FCRL4: variants seen among roughly 807,000 people sequenced by gnomAD.
The protein encoded by FCRL4 is Fc receptor-like protein 4.
In FCRL4, 43 loss-of-function variants were observed where a neutral mutation model predicts 64.1. That is an observed-to-expected ratio of 0.67 (90% CI 0.53 to 0.87). The LOEUF (loss-of-function observed/expected upper bound fraction) is 0.87. Ranked by LOEUF, FCRL4 falls within the 40% of genes least tolerant of loss-of-function variation. The pLI is 0.00. For missense variants in FCRL4, 656 were observed against 613.5 expected (o/e 1.07, Z -0.73); for synonymous variants, 253 against 239.8 (o/e 1.05, Z -0.51).
In FCRL4 at chr1:157,581,648, A is replaced by C; in HGVS notation, c.1136-4T>G. 6.2e-7 allele frequency: 1 copy of C among 1,610,982 alleles called. No individual in the cohort carries two copies. The highest frequency in any genetic ancestry group is 8.5e-7 in the Non-Finnish European group (1 of 1,177,722). On this transcript the variant is annotated splice_polypyrimidine_tract_variant and splice_region_variant and intron_variant, in intron 6 of 11. Coordinates refer to ENST00000271532, the MANE Select transcript of FCRL4 (RefSeq NM_031282.3). ...CCATCTCTGTTGCCTGGGGTCTCTA[A>C]GGGGAAAGGACCTGTGTGAATCTCA...
chr1:157,590,848 C>T lies in FCRL4; in HGVS notation c.53-1390G>A, dbSNP rs10082178. Reference sequence around the variant, plus strand: ...ATCTTTTATCAGGTTAATTTATGGGCCCCAGAAAATTAACCTGTAGGAATC... The same window carrying T: ...ATCTTTTATCAGGTTAATTTATGGGTCCCAGAAAATTAACCTGTAGGAATC... On this transcript the variant is annotated intron_variant, in intron 2 of 11. Transcript: ENST00000271532. Among the ~76,000 whole-genome samples the T allele has an allele frequency of 4.8e-3, 730 of 152,232 alleles. 3 individuals carry two copies. Among genetic ancestry groups the T allele is most frequent in the African/African-American group, 0.016 (653 of 41,542 alleles).
rs937806859 is a variant in FCRL4, at chr1:157,596,476, C to A, written c.32-128G>T. ...AGAAACACGTTCCATTCCATCCATC[C>A]CAGGGAAGCGGGGAAACACAGTGGC... On this transcript the variant is annotated intron_variant, in intron 1 of 11. Transcript: ENST00000271532. 1.0e-5 allele frequency: 11 copies of A among 1,064,546 alleles called. No homozygotes were observed. The African/African-American group carries it at 1.7e-4, about 17-fold the overall frequency. 65.9% of individuals were successfully genotyped at this position (1,064,546 alleles called of 1,614,324 possible).
At chr1:157,575,765 A>G in intron 10 of FCRL4, 35 bp from the exon 11 acceptor site, 1 of 1,606,384 alleles carries the variant, frequency 6.2e-7, no homozygotes, top group Non-Finnish European at 8.5e-7. Flanking sequence ...GACTATGGGC[A>G]TAATGATGCA....
chr1:157,595,443 G>T (rs1159465699), intron 2 of FCRL4, among the ~76,000 whole-genome samples: 3 of 152,232 alleles, frequency 2.0e-5, no homozygotes, highest in Non-Finnish European at 2.9e-5. Context: ...TGAGGAAGCT[G>T]CCCCTGCTAT....
chr1:157,581,587 C>A lies in FCRL4; in HGVS notation c.1193G>T (p.Ser398Ile), dbSNP rs777738829. The part of the protein sequence containing the change: ...VAAGATGGLL[S>I]ALLLAVALLF... ...CAGGGCCACAGCCAGGAGAAGAGCA[C>A]TGAGCAGCCCTCCAGTGGCTCCCGC... is the stretch of plus-strand genomic sequence containing the variant. Residue 398 changes from serine (S) to isoleucine (I), a missense_variant, in exon 7 of 12, where the codon AGT becomes ATT. Transcript: ENST00000271532. 25 of 1,614,028 alleles carry A rather than the reference C, an allele frequency of 1.5e-5. No individual in the cohort carries two copies. Among genetic ancestry groups the A allele is most frequent in the Non-Finnish European group, 2.0e-5 (24 of 1,180,028 alleles).
intron 1 of FCRL4, among the ~76,000 whole-genome samples, chr1:157,597,713 A>G (rs1652997955): frequency 6.6e-6 from 1 of 152,228 alleles, no homozygotes; most frequent in Admixed American, 6.5e-5. Context: ...CATAGCAAAA[A>G]TAGATGAGAA....
Position 157,587,845 on chromosome 1 carries a change from A to G in FCRL4, c.562+20T>C, listed in dbSNP as rs1382607050. Reference sequence around the variant, plus strand: ...ATCCCTGTCATTACTAAGCAAATCTATATGAACTGAAAGATTCACCTTGAA... The same window carrying G: ...ATCCCTGTCATTACTAAGCAAATCTGTATGAACTGAAAGATTCACCTTGAA... On this transcript the variant is annotated intron_variant, in intron 4 of 11. Transcript: ENST00000271532. 14 of 1,592,702 alleles carry G rather than the reference A, an allele frequency of 8.8e-6. No individual in the cohort carries two copies. The highest frequency in any genetic ancestry group is 2.2e-5 in the South Asian group (2 of 89,470).
Position 157,578,824 on chromosome 1 carries a change from A to G in FCRL4, c.1306T>C (p.Ser436Pro). ...RLPPAPGPGESSHSICPAQVE... is the reference protein window; with the variant it reads ...RLPPAPGPGEPSHSICPAQVE... Reference sequence around the variant, plus strand: ...TGGGCAGGGCAGATGGAATGGGAGGACTCTCCTGGGCCTGGAGCGGGAGGG... The same window carrying G: ...TGGGCAGGGCAGATGGAATGGGAGGGCTCTCCTGGGCCTGGAGCGGGAGGG... Residue 436 changes from serine (S) to proline (P), a missense_variant, in exon 9 of 12, where the codon TCC becomes CCC. Transcript: ENST00000271532. 3 of 1,613,484 alleles carry G rather than the reference A, an allele frequency of 1.9e-6. No homozygotes were observed. In the South Asian group the frequency reaches 3.3e-5, roughly 18 times the overall value.
In FCRL4 at chr1:157,596,367, C is replaced by A; in HGVS notation, c.32-19G>T. On this transcript the variant is annotated intron_variant, in intron 1 of 11. Transcript: ENST00000271532. ...ACTGGAGCTGAAAGAGAGTAAAGAG[C>A]CAGCCATCAGCGTAGGCGAAGAGTC... 1.2e-6 allele frequency: 2 copies of A among 1,613,790 alleles called. No individual in the cohort carries two copies. The highest frequency in any genetic ancestry group is 1.7e-6 in the Non-Finnish European group (2 of 1,179,816).
At chr1:157,585,344 C>CTCTCTTTCTTTCTTTCTT (rs1386601138) in intron 6 of FCRL4, among the ~76,000 whole-genome samples, 6 of 81,318 alleles carry the variant, frequency 7.4e-5, no homozygotes, top group East Asian at 4.2e-4. Flanking sequence ...CTTTCTCTCT[C>CTCTCTTTCTTTCTTTCTT]TCTTTCTTTC....
chr1:157,576,056 C>G (rs1420746584), intron 10 of FCRL4, among the ~76,000 whole-genome samples: 6 of 152,162 alleles, frequency 3.9e-5, no homozygotes, highest in South Asian at 2.1e-4. Flanking sequence ...ACTTACAATA[C>G]TGTCATCTCA....
Position 157,586,283 on chromosome 1 carries a change from C to G in FCRL4, c.1020G>C (p.Leu340=). ...TGGCAGGGAGCTCCAGCTCTGCTCTCAGGGAACGCTGAGTTTTCCTCCCCA... is the reference window on the plus strand; with the variant it reads ...TGGCAGGGAGCTCCAGCTCTGCTCTGAGGGAACGCTGAGTTTTCCTCCCCA... ...ESLGRKTQRS[L]RAELELPAIR... The change falls in exon 6 of 12, where the codon CTG becomes CTC. Residue 340 remains leucine, a synonymous_variant. Transcript: ENST00000271532. 1 of 1,614,100 alleles carries G rather than the reference C, an allele frequency of 6.2e-7. No homozygotes were observed.
At chr1:157,581,463 G>T in intron 7 of FCRL4, 68 bp downstream of exon 7, 2 of 1,351,502 alleles carry the variant, frequency 1.5e-6, no homozygotes, top group Non-Finnish European at 2.1e-6. Context: ...TGGCCACTAA[G>T]GCTGTCTGCA....
Position 157,586,374 on chromosome 1 carries a change from C to A in FCRL4, c.929G>T (p.Cys310Phe), listed in dbSNP as rs1174643144. The A allele has an allele frequency of 6.2e-7, 1 of 1,613,460 alleles. No individual in the cohort carries two copies. Among genetic ancestry groups the A allele is most frequent in the Middle Eastern group, 1.6e-4 (1 of 6,062 alleles). The part of the protein sequence containing the change: ...AVEGEMLVLV[C>F]SVAEGTGDTT... ...ATCCCCTGTGCCTTCAGCCACGGAG[C>A]AGACAAGGACCAGCATCTCCCCTTC... Residue 310 changes from cysteine (C) to phenylalanine (F), a missense_variant, in exon 6 of 12, where the codon TGC becomes TTC. Physicochemically the swap from Cys to Phe is radical, Grantham distance 205. Transcript: ENST00000271532.
At chr1:157,586,606 C>T (rs749188528) in intron 5 of FCRL4, 151 bp from the exon 6 acceptor site, 79 of 660,896 alleles carry the variant, frequency 1.2e-4, no homozygotes, top group Admixed American at 2.1e-4. Context: ...ACAGATTTAG[C>T]GCTGAGAATA....
rs1558155022 is a variant in FCRL4 at position 157,585,350 on chromosome 1, CTT to C, written c.1135+816_1135+817del. 6.0e-4 allele frequency among the ~76,000 whole-genome samples: 25 copies of C among 41,516 alleles called. 1 individual carries two copies. Among genetic ancestry groups the C allele is most frequent in the African/African-American group, 2.0e-3 (22 of 10,870 alleles). The allele number at this position is 41,516 out of a possible 152,430, so 27.2% of individuals were successfully genotyped here. ...TCTCTCTTTCTTTCTCTCTCTCTTTCTTTCTTTCTTTCTTTCTTTCTTTCTTT... is the reference window on the plus strand; with the variant it reads ...TCTCTCTTTCTTTCTCTCTCTCTTTCTCTTTCTTTCTTTCTTTCTTTCTTT... On this transcript the variant is annotated intron_variant, in intron 6 of 11. Coordinates refer to ENST00000271532, the MANE Select transcript of FCRL4 (RefSeq NM_031282.3).
Position 157,589,236 on chromosome 1 carries a change from C to A in FCRL4, c.275G>T (p.Arg92Leu). 1 of 1,614,166 alleles carries A rather than the reference C, an allele frequency of 6.2e-7. No individual in the cohort carries two copies. Among genetic ancestry groups the A allele is most frequent in the East Asian group, 2.2e-5 (1 of 44,882 alleles). The change falls in exon 3 of 12, where the codon CGA (arginine) becomes CTA (leucine). Residue 92 changes from arginine (R) to leucine (L), a missense_variant. Transcript: ENST00000271532. ...AAAGAGCAAGCGCACAGGGTTACTT[C>A]GTGGGGAGCCCCGGGCCTGGCATCT... ...LYRCQARGSP[R>L]SNPVRLLFSS...
At chr1:157,580,615 A>G in intron 7 of FCRL4, 1 of 450,166 alleles carries the variant, frequency 2.2e-6, no homozygotes, top group East Asian at 4.2e-5. Context: ...CTCAGGAAAC[A>G]TTACATATAA....
At chr1:157,577,731 G>A (rs1652446169) in intron 10 of FCRL4, among the ~76,000 whole-genome samples, 1 of 152,172 alleles carries the variant, frequency 6.6e-6, no homozygotes, top group African/African-American at 2.4e-5. Flanking sequence ...TTCTCCTCAG[G>A]TCTTAGGCTG....
Sources: gnomAD v4.1 joint callset for allele counts (sites outside exome capture counted in the v4.1 genomes callset) on GRCh38, gnomAD v4.1.1 for gene constraint, MANE v1.5 for transcripts, NCBI Gene and HGNC (gene_info 2026-07-23, HGNC 2026-07-21) for gene names.